Variants in WDR44 observed in about 807,000 individuals in gnomAD.
The protein encoded by WDR44 is WD repeat-containing protein 44.
Under a neutral mutation model 65.7 loss-of-function variants are expected in WDR44, and 9 were observed. The observed-to-expected ratio is 0.14, with a 90% CI of 0.08 to 0.24. WDR44 has a LOEUF of 0.24. WDR44 is among the 10% of genes least tolerant of loss of function. The pLI, the probability that WDR44 is intolerant of heterozygous loss-of-function variation, is 1.00. For synonymous variants in WDR44, 220 were observed against 235.2 expected (o/e 0.94, Z 0.59); for missense variants, 425 against 670.9 (o/e 0.63, Z 4.05).
chrX:118,378,338 A>G, intron 1 of WDR44, 81 bp from the exon 2 acceptor site: 2 of 766,047 alleles, frequency 2.6e-6, no homozygotes, highest in Middle Eastern at 3.0e-4. Flanking sequence ...TTAAATGTGG[A>G]CTTGTCTGTA....
chrX:118,447,792 G>A (rs1418449686), intron 19 of WDR44, among the ~76,000 whole-genome samples: 3 of 104,544 alleles, frequency 2.9e-5, no homozygotes, highest in African/African-American at 1.0e-4. Flanking sequence ...AGGATCCTTT[G>A]AGCCCAGGAG....
At chrX:118,416,178 A>C (rs34331069) in intron 12 of WDR44, among the ~76,000 whole-genome samples, 29,358 of 110,674 alleles carry the variant, frequency 0.27, 3,168 homozygotes, top group African/African-American at 0.39. Flanking sequence ...GTTTCAATTT[A>C]GTTTAATTCT....
At chrX:118,427,706 G>A (rs1401646544) in intron 12 of WDR44, among the ~76,000 whole-genome samples, 2 of 92,691 alleles carry the variant, frequency 2.2e-5, no homozygotes, top group Admixed American at 1.3e-4. Context: ...TTTTCTTTTC[G>A]CTCTGTCGTC....
At chrX:118,369,275 C>T (rs1468830982) in intron 1 of WDR44, among the ~76,000 whole-genome samples, 1 of 108,693 alleles carries the variant, frequency 9.2e-6, no homozygotes, top group Non-Finnish European at 1.9e-5. Context: ...GGGTTCACGC[C>T]ATTCTCCTGC....
intron 12 of WDR44, among the ~76,000 whole-genome samples, chrX:118,426,609 G>A (rs2057158907): frequency 9.1e-6 from 1 of 109,986 alleles, no homozygotes; most frequent in Non-Finnish European, 1.9e-5. Flanking sequence ...AGGAGGCTGG[G>A]GTGAAAGGAT....
At chrX:118,399,082 G>T (rs1440578452) in intron 8 of WDR44, among the ~76,000 whole-genome samples, 2 of 111,696 alleles carry the variant, frequency 1.8e-5, no homozygotes, top group East Asian at 5.6e-4. Flanking sequence ...AATCCTATTT[G>T]TCTTTCTAAA....
intron 9 of WDR44, among the ~76,000 whole-genome samples, chrX:118,404,852 C>T (rs1158420689): frequency 9.1e-6 from 1 of 110,189 alleles, no homozygotes; most frequent in African/African-American, 3.3e-5. Context: ...AGGCGCCTGC[C>T]ACCACACCTG....
chrX:118,431,597 C>T (rs774587232), intron 12 of WDR44, among the ~76,000 whole-genome samples: 1 of 112,206 alleles, frequency 8.9e-6, no homozygotes, highest in South Asian at 3.6e-4. Context: ...GCCACCGTGC[C>T]TCGCCAAGGC....
chrX:118,400,101 CAAA>C (rs57505854), intron 8 of WDR44, among the ~76,000 whole-genome samples: 1 of 100,288 alleles, frequency 1.0e-5, no homozygotes, highest in Non-Finnish European at 2.1e-5. Flanking sequence ...CACCCCCCAC[CAAA>C]AAAAAAAAAC....
Position 118,387,391 on chromosome X carries a change from T to C in WDR44, c.163T>C (p.Leu55=). ...TGGAAATGAGTCCCCTGTACAAGAATTGAAACAAGATGTGTCTAAAAAGGT... is the reference window on the plus strand; with the variant it reads ...TGGAAATGAGTCCCCTGTACAAGAACTGAAACAAGATGTGTCTAAAAAGGT... The part of the protein sequence containing the change: ...KVGNESPVQE[L]KQDVSKKIIE... Residue 55 remains leucine (L), a synonymous_variant, in exon 3 of 20, where the codon TTG becomes CTG. Coordinates refer to ENST00000254029, the MANE Select transcript of WDR44 (RefSeq NM_019045.5). The C allele has an allele frequency of 8.3e-7, 1 of 1,197,998 alleles. No homozygotes were observed. Among genetic ancestry groups the C allele is most frequent in the Non-Finnish European group, 1.1e-6 (1 of 887,222 alleles).
chrX:118,442,199 A>C lies in WDR44; in HGVS notation c.2167-45A>C, dbSNP rs182307309. The C allele has an allele frequency of 5.4e-4, 587 of 1,091,858 alleles. 4 individuals are homozygous for C. The African/African-American group carries it at 9.1e-3, about 17-fold the overall frequency. The allele number at this position is 1,091,858 out of a possible 1,213,427, so 90.0% of individuals were successfully genotyped here. ...TAGAGTTACAGATACGAGCCACCAC[A>C]CATGCTCCTAATTCTAATATGTTAA... On this transcript the variant is annotated intron_variant, in intron 15 of 19. Transcript: ENST00000254029.
chrX:118,436,623 A>G, intron 13 of WDR44, 79 bp from the exon 14 acceptor site: 1 of 1,097,285 alleles, frequency 9.1e-7, no homozygotes, highest in Non-Finnish European at 1.2e-6. Context: ...AGATACAAAA[A>G]CCAAAAGTTC....
intron 6 of WDR44, among the ~76,000 whole-genome samples, chrX:118,396,466 T>C (rs1434709666): frequency 1.8e-5 from 2 of 112,504 alleles, no homozygotes; most frequent in Non-Finnish European, 3.8e-5. Context: ...TGTTATATTT[T>C]TTAGCAATTA....
chrX:118,405,770 A>T (rs957743331), intron 9 of WDR44, among the ~76,000 whole-genome samples: 3 of 112,167 alleles, frequency 2.7e-5, no homozygotes, highest in Non-Finnish European at 5.6e-5. Flanking sequence ...AATAAAACAT[A>T]ATAGAAAAAA....
At chrX:118,409,199 G>A (rs1002673674) in intron 10 of WDR44, among the ~76,000 whole-genome samples, 2 of 111,019 alleles carry the variant, frequency 1.8e-5, no homozygotes, top group African/African-American at 6.6e-5. Context: ...GCGCGGTCTT[G>A]ACTCACTGCA....
rs371756740 is a variant in WDR44, at chrX:118,387,294, A to T, written c.112-46A>T. On this transcript the variant is annotated intron_variant, in intron 2 of 19. Transcript: ENST00000254029. ...ACCCCTTTAAAGCATATTTTTAAAG[A>T]AAAGATGTCATCATTTGGTCTCTAT... 4.5e-5 allele frequency: 43 copies of T among 958,345 alleles called. No homozygotes were observed. In the African/African-American group the frequency reaches 7.7e-4, roughly 17 times the overall value. 79.0% of individuals were successfully genotyped at this position (958,345 alleles called of 1,213,427 possible).
intron 1 of WDR44, among the ~76,000 whole-genome samples, chrX:118,357,746 T>C (rs1222953457): frequency 9.1e-6 from 1 of 110,004 alleles, no homozygotes; most frequent in Non-Finnish European, 1.9e-5. Flanking sequence ...TAACCAGGCA[T>C]GGTGGTACTT....
At chrX:118,369,614 G>A (rs760804655) in intron 1 of WDR44, among the ~76,000 whole-genome samples, 6 of 104,946 alleles carry the variant, frequency 5.7e-5, no homozygotes, top group East Asian at 6.1e-4. Context: ...GGCTACAGGC[G>A]CCCACCACCA....
chrX:118,351,943 AAAAT>A (rs1393086482), intron 1 of WDR44, among the ~76,000 whole-genome samples: 2 of 93,723 alleles, frequency 2.1e-5, no homozygotes, highest in Non-Finnish European at 2.1e-5. Context: ...CTCCGTCTCA[AAAAT>A]AAATAAATAA....
Sources: allele counts gnomAD v4.1 joint callset (sites outside exome capture counted in the v4.1 genomes callset), GRCh38; gene constraint gnomAD v4.1.1; transcripts MANE v1.5; gene names NCBI Gene and HGNC (gene_info 2026-07-23, HGNC 2026-07-21).